The following BOC variants were observed in gnomAD, a reference collection of about 807,000 sequenced individuals.
BOC encodes the protein brother of CDO.
BOC carries 76 observed loss-of-function variants against 112.0 expected under a neutral mutation model. That is an observed-to-expected ratio of 0.68 (90% CI 0.56 to 0.82). The LOEUF (loss-of-function observed/expected upper bound fraction) is 0.82, where lower values mean the gene tolerates loss of function less well. Ranked by LOEUF, BOC falls within the 40% of genes least tolerant of loss-of-function variation. The pLI is 0.00. For synonymous variants in BOC, 580 were observed against 599.8 expected, an observed-to-expected ratio of 0.97 and a Z score of 0.48; for missense variants, 1,309 against 1,511.7, an observed-to-expected ratio of 0.87 and a Z score of 2.22.
intron 9 of BOC, among the ~76,000 whole-genome samples, chr3:113,277,358 G>A (rs1948765428): frequency 1.3e-5 from 2 of 152,140 alleles, no homozygotes; most frequent in African/African-American, 4.8e-5. Context: ...GAGAGTTAGG[G>A]GACTTGCTCT....
At chr3:113,216,479 C>A in intron 2 of BOC, 1 of 308,456 alleles carries the variant, frequency 3.2e-6, no homozygotes, top group East Asian at 7.7e-5. Context: ...GCTATGTGAA[C>A]CCCCTTGCTC....
intron 19 of BOC, 84 bp from the exon 20 acceptor site, chr3:113,286,591 C>T: frequency 1.6e-6 from 2 of 1,219,992 alleles, no homozygotes; most frequent in Non-Finnish European, 2.2e-6. Context: ...ACCTCCACCA[C>T]AGATAGAGAT....
intron 9 of BOC, 135 bp from the exon 10 acceptor site, chr3:113,277,960 C>T (rs1340677520): frequency 8.4e-7 from 1 of 1,197,462 alleles, no homozygotes; most frequent in Admixed American, 2.0e-5. Flanking sequence ...GGCTGTGCCA[C>T]CCTAACCCCA....
chr3:113,286,716 G>A lies in BOC; in HGVS notation c.3202G>A (p.Asp1068Asn). 6.2e-7 allele frequency: 1 copy of A among 1,610,494 alleles called. No individual in the cohort carries two copies. Among genetic ancestry groups the A allele is most frequent in the South Asian group, 1.1e-5 (1 of 90,562 alleles). The change falls in exon 20 of 20, where the codon GAC becomes AAC. Residue 1068 changes from aspartate to asparagine, a missense_variant. Coordinates refer to ENST00000682979, the MANE Select transcript of BOC (RefSeq NM_001378074.1). ...CLGLVPVEEV[D>N]SPDSCQVSGG... ...GGGCCTTGTGCCAGTTGAAGAGGTGGACAGTCCTGACTCCTGCCAAGTGAG... is the reference window on the plus strand; with the variant it reads ...GGGCCTTGTGCCAGTTGAAGAGGTGAACAGTCCTGACTCCTGCCAAGTGAG...
At chr3:113,220,420 A>G (rs1406411273) in intron 2 of BOC, among the ~76,000 whole-genome samples, 2 of 152,170 alleles carry the variant, frequency 1.3e-5, no homozygotes, top group Non-Finnish European at 2.9e-5. Context: ...GGTAATGGAA[A>G]TGAGGTCATG....
chr3:113,237,836 G>C (rs1357332799), intron 2 of BOC, among the ~76,000 whole-genome samples: 2 of 152,050 alleles, frequency 1.3e-5, no homozygotes, highest in African/African-American at 4.8e-5. Context: ...GTTCTTTCTC[G>C]ATCCTAGATT....
At position 113,274,316 on chromosome 3, in the gene BOC, C is replaced by T; in HGVS notation, c.1235-59C>T. Reference sequence around the variant, plus strand: ...CTTTCTGTTTTCTCCCCAGGAACAACAGCTCAGCAGGTAAACCAGGAGACT... The same window carrying T: ...CTTTCTGTTTTCTCCCCAGGAACAATAGCTCAGCAGGTAAACCAGGAGACT... On this transcript the variant is annotated intron_variant, in intron 8 of 19. Coordinates refer to ENST00000682979, the MANE Select transcript of BOC (RefSeq NM_001378074.1). The surrounding 1 kb of genome is among the most constrained non-coding windows in gnomAD (Gnocchi z 4.8). 4 of 1,446,254 alleles carry T rather than the reference C, an allele frequency of 2.8e-6. No homozygotes were observed. The highest frequency in any genetic ancestry group is 1.5e-5 in the South Asian group (1 of 67,836). The allele number at this position is 1,446,254 out of a possible 1,614,324, so 89.6% of individuals were successfully genotyped here.
intron 4 of BOC, among the ~76,000 whole-genome samples, chr3:113,252,680 G>C (rs1397758435): frequency 1.3e-5 from 2 of 152,214 alleles, no homozygotes; most frequent in Non-Finnish European, 2.9e-5. Context: ...TTTTCTCAGA[G>C]GGAAGGCAGA....
intron 7 of BOC, 51 bp from the exon 8 acceptor site, chr3:113,273,018 C>CCTG (rs1948299536): frequency 1.1e-5 from 17 of 1,558,108 alleles, no homozygotes; most frequent in Non-Finnish European, 1.4e-5. Flanking sequence ...CCCATCTGGC[C>CCTG]CTGGGACAGA....
chr3:113,279,541 C>T, intron 12 of BOC, 86 bp downstream of exon 12: 1 of 1,339,356 alleles, frequency 7.5e-7, no homozygotes, highest in Non-Finnish European at 1.0e-6. Flanking sequence ...CTGGGATCCC[C>T]TTCTCTCGGC....
chr3:113,215,591 C>G (rs1939203312), intron 1 of BOC, among the ~76,000 whole-genome samples: 1 of 152,208 alleles, frequency 6.6e-6, no homozygotes, highest in Non-Finnish European at 1.5e-5. Context: ...ACAATTGTTG[C>G]TGGCACGTGG....
chr3:113,238,132 A>C (rs1185862448), intron 2 of BOC, among the ~76,000 whole-genome samples: 1 of 152,216 alleles, frequency 6.6e-6, no homozygotes, highest in Non-Finnish European at 1.5e-5. Flanking sequence ...CATTTGAGGT[A>C]AGATTTAAAG....
intron 13 of BOC, 111 bp downstream of exon 13, chr3:113,280,116 G>T (rs144716116): frequency 1.2e-4 from 141 of 1,184,202 alleles, no homozygotes; most frequent in Non-Finnish European, 1.6e-4. Flanking sequence ...AGCTTCATCA[G>T]TGGAATTTGG....
At position 113,278,051 on chromosome 3, in the gene BOC, C is replaced by A. The variant is rs7627584; in HGVS notation, c.1543-44C>A. On this transcript the variant is annotated intron_variant, in intron 9 of 19. Transcript: ENST00000682979. The surrounding 1 kb of genome is among the most constrained non-coding windows in gnomAD (Gnocchi z 4.2). ...TTTGTAAACCATAGCCCACTCGTAG[C>A]CCGAGGCTGAGATGCCGGTCTTTAT... 1.2e-6 allele frequency: 2 copies of A among 1,609,282 alleles called. No individual in the cohort carries two copies.
intron 2 of BOC, among the ~76,000 whole-genome samples, chr3:113,219,768 G>A (rs1236871343): frequency 1.3e-5 from 2 of 152,220 alleles, no homozygotes; most frequent in East Asian, 1.9e-4. Context: ...AGAGAAGCCA[G>A]GCTTTGTGGC....
intron 4 of BOC, among the ~76,000 whole-genome samples, chr3:113,262,360 G>A (rs1323874513): frequency 6.6e-6 from 1 of 152,184 alleles, no homozygotes; most frequent in African/African-American, 2.4e-5. Context: ...AAAGCTCCCT[G>A]TGGTTAGGAG....
Position 113,229,217 on chromosome 3 carries a change from A to G in BOC, c.-82+12943A>G, listed in dbSNP as rs184532713. 3.3e-5 allele frequency among the ~76,000 whole-genome samples: 5 copies of G among 152,330 alleles called. No homozygotes were observed. In the East Asian group the frequency reaches 9.7e-4, roughly 29 times the overall value. The stretch of plus-strand genomic sequence containing the variant: ...CTGTTAACCCTTTACAGCTGGTTTC[A>G]GTGGAGCCAAAGCCCTCTGGTCTGA... On this transcript the variant is annotated intron_variant, in intron 2 of 19. Coordinates refer to ENST00000682979, the MANE Select transcript of BOC (RefSeq NM_001378074.1).
rs188379827 is a variant in BOC at position 113,251,117 on chromosome 3, C to T, written c.376+284C>T. The stretch of plus-strand genomic sequence containing the variant: ...AGAACTTGACATGGCAGAACTGTTC[C>T]GTGGGCCCCAGAGCAGGGCCGTGCC... On this transcript the variant is annotated intron_variant, in intron 4 of 19. Coordinates refer to ENST00000682979, the MANE Select transcript of BOC (RefSeq NM_001378074.1). 2.2e-4 allele frequency: 129 copies of T among 588,868 alleles called. 1 individual carries two copies. Among genetic ancestry groups the T allele is most frequent in the South Asian group, 4.8e-4 (23 of 47,618 alleles). The allele number at this position is 588,868 out of a possible 1,614,324, so 36.5% of individuals were successfully genotyped here. A position where few individuals can be genotyped will look rare whatever the true frequency, so the allele number is the denominator to read the frequency against.
At chr3:113,227,205 A>G (rs991275875) in intron 2 of BOC, among the ~76,000 whole-genome samples, 1 of 152,210 alleles carries the variant, frequency 6.6e-6, no homozygotes, top group Non-Finnish European at 1.5e-5. Context: ...TTTGTCAATT[A>G]TGGTAAGTTG....
Sources: gnomAD v4.1 joint callset for allele counts (sites outside exome capture counted in the v4.1 genomes callset) on GRCh38, gnomAD v4.1.1 for gene constraint, Gnocchi (gnomAD v3.1) non-coding constraint, MANE v1.5 for transcripts, NCBI Gene and HGNC (gene_info 2026-07-23, HGNC 2026-07-21) for gene names.